SNTB2: variants seen among roughly 807,000 people sequenced by gnomAD.
The protein encoded by SNTB2 is beta-2-syntrophin.
A neutral mutation model predicts 46.2 loss-of-function variants in SNTB2; 34 were observed. That is an observed-to-expected ratio of 0.74 (90% CI 0.56 to 0.98). The LOEUF (loss-of-function observed/expected upper bound fraction) is 0.98. SNTB2 is among the 50% of genes least tolerant of loss of function. SNTB2 has a pLI of 0.00. For synonymous variants in SNTB2, 290 were observed against 312.6 expected (o/e 0.93, Z 0.76); for missense variants, 603 against 731.4 (o/e 0.82, Z 2.02).
At chr16:69,202,752 T>G (rs1412310946) in intron 1 of SNTB2, among the ~76,000 whole-genome samples, 2 of 151,942 alleles carry the variant, frequency 1.3e-5, no homozygotes, top group African/African-American at 4.8e-5. Flanking sequence ...ATTTTTGTAT[T>G]TTTAGTAGAG....
chr16:69,195,057 G>A (rs1964090652), intron 1 of SNTB2, among the ~76,000 whole-genome samples: 1 of 152,024 alleles, frequency 6.6e-6, no homozygotes, highest in Admixed American at 6.6e-5. Flanking sequence ...GTATTTTATT[G>A]GTATTTTGAA....
At chr16:69,290,713 G>A (rs949938573) in intron 5 of SNTB2, among the ~76,000 whole-genome samples, 8 of 152,184 alleles carry the variant, frequency 5.3e-5, no homozygotes, top group African/African-American at 1.9e-4. Context: ...TAATAGGTAT[G>A]TATCAGGATT....
chr16:69,292,677 G>A (rs981752963), intron 5 of SNTB2, among the ~76,000 whole-genome samples: 1 of 146,738 alleles, frequency 6.8e-6, no homozygotes, highest in Non-Finnish European at 1.5e-5. Context: ...GGTCTTGAAC[G>A]CCTGACCTCA....
intron 1 of SNTB2, among the ~76,000 whole-genome samples, chr16:69,231,463 C>T (rs1964505896): frequency 6.6e-6 from 1 of 152,138 alleles, no homozygotes. Flanking sequence ...GTGGCGCATG[C>T]CTGTAATCCC....
Position 69,300,828 on chromosome 16 carries a change from A to G in SNTB2, c.1531-4A>G, listed in dbSNP as rs1965271429. The G allele has an allele frequency of 6.2e-7, 1 of 1,606,408 alleles. No individual in the cohort carries two copies. The highest frequency in any genetic ancestry group is 8.5e-7 in the Non-Finnish European group (1 of 1,173,104). On this transcript the variant is annotated splice_polypyrimidine_tract_variant and splice_region_variant and intron_variant, in intron 6 of 6. Coordinates refer to ENST00000336278, the MANE Select transcript of SNTB2 (RefSeq NM_006750.4). ...TAGTGATGCTTAGTGTCCTTTCTCC[A>G]CAGACCATGGACCTGCACTCTTGTC...
chr16:69,251,454 G>A (rs1964724886), intron 2 of SNTB2, among the ~76,000 whole-genome samples: 1 of 143,106 alleles, frequency 7.0e-6, no homozygotes, highest in Non-Finnish European at 1.5e-5. Context: ...TGCTGGATAG[G>A]TGCATGTTTA....
At chr16:69,232,803 C>T (rs1024592239) in intron 1 of SNTB2, among the ~76,000 whole-genome samples, 1 of 151,990 alleles carries the variant, frequency 6.6e-6, no homozygotes, top group East Asian at 1.9e-4. Context: ...AGCTACTGCC[C>T]CCAGCCAAAA....
intron 1 of SNTB2, among the ~76,000 whole-genome samples, chr16:69,241,421 C>G (rs546382870): frequency 6.8e-6 from 1 of 146,274 alleles, no homozygotes; most frequent in East Asian, 2.1e-4. Flanking sequence ...CGTGATCCAC[C>G]CACCTCGGCC....
intron 1 of SNTB2, among the ~76,000 whole-genome samples, chr16:69,206,910 C>T (rs1284908805): frequency 1.3e-5 from 2 of 150,580 alleles, no homozygotes; most frequent in African/African-American, 2.4e-5. Flanking sequence ...GGACTACAGG[C>T]GCCTGCCACC....
chr16:69,267,680 A>G (rs1049072149), intron 3 of SNTB2, among the ~76,000 whole-genome samples: 5 of 152,196 alleles, frequency 3.3e-5, no homozygotes, highest in East Asian at 3.8e-4. Flanking sequence ...GCTAGAATTA[A>G]TTTCCCACTT....
intron 1 of SNTB2, among the ~76,000 whole-genome samples, chr16:69,235,014 T>A (rs1469572619): frequency 6.6e-6 from 1 of 152,056 alleles, no homozygotes; most frequent in Non-Finnish European, 1.5e-5. Context: ...TCAACTTGGT[T>A]CTTTATTTAT....
intron 3 of SNTB2, among the ~76,000 whole-genome samples, chr16:69,268,363 C>T (rs1221785352): frequency 2.0e-5 from 3 of 151,948 alleles, no homozygotes; most frequent in Non-Finnish European, 4.4e-5. Flanking sequence ...AGTTGGGAGG[C>T]TGAGGCAGGA....
At chr16:69,265,470 G>C (rs1381420805) in intron 3 of SNTB2, among the ~76,000 whole-genome samples, 6 of 152,092 alleles carry the variant, frequency 3.9e-5, no homozygotes, top group Non-Finnish European at 7.4e-5. Flanking sequence ...TAAGGGATTT[G>C]GGAAATGAAT....
rs1203628717 is a variant in SNTB2, at chr16:69,260,081, A to G, written c.826A>G (p.Asn276Asp). The G allele has an allele frequency of 1.2e-6, 2 of 1,613,720 alleles. No homozygotes were observed. The highest frequency in any genetic ancestry group is 8.5e-7 in the Non-Finnish European group (1 of 1,179,978). The change falls in exon 3 of 7, where the codon AAC becomes GAC. Residue 276 changes from asparagine (N) to aspartate (D), a missense_variant. Physicochemically the swap from Asn to Asp is conservative, Grantham distance 23 (BLOSUM62 1). Transcript: ENST00000336278. ...AGAGCTACATTCTCCTGATAGCAGG[A>G]ACACGTTGATCCTACGCTGCAAAGA... The part of the protein sequence containing the change: ...LIELHSPDSR[N>D]TLILRCKDTA...
At chr16:69,258,183 C>G (rs895095912) in intron 2 of SNTB2, among the ~76,000 whole-genome samples, 1 of 152,168 alleles carries the variant, frequency 6.6e-6, no homozygotes, top group Non-Finnish European at 1.5e-5. Flanking sequence ...AAAGAAAACT[C>G]TCTCCCTGGT....
At chr16:69,245,460 G>T (rs1369835426) in intron 1 of SNTB2, 142 bp from the exon 2 acceptor site, 6 of 760,476 alleles carry the variant, frequency 7.9e-6, no homozygotes, top group Admixed American at 2.3e-5. Flanking sequence ...CTCCCAAAGT[G>T]CTGGGATTAC....
intron 1 of SNTB2, among the ~76,000 whole-genome samples, chr16:69,212,259 A>C (rs1339833077): frequency 1.3e-5 from 2 of 152,074 alleles, no homozygotes; most frequent in Admixed American, 6.6e-5. Context: ...AAGGTGTCCT[A>C]TGTGAAACCT....
chr16:69,288,545 C>T (rs942027554), intron 5 of SNTB2, among the ~76,000 whole-genome samples: 5 of 152,022 alleles, frequency 3.3e-5, no homozygotes, highest in Admixed American at 3.3e-4. Context: ...ATAACAGATG[C>T]TGGTGAGGAT....
chr16:69,256,935 C>G (rs571075591), intron 2 of SNTB2, among the ~76,000 whole-genome samples: 23 of 152,138 alleles, frequency 1.5e-4, no homozygotes, highest in African/African-American at 5.5e-4. Flanking sequence ...TTTGGGAGAC[C>G]GAGGCAGGCG....
Sources: allele counts gnomAD v4.1 joint callset (sites outside exome capture counted in the v4.1 genomes callset), GRCh38; gene constraint gnomAD v4.1.1; transcripts MANE v1.5; gene names NCBI Gene and HGNC (gene_info 2026-07-23, HGNC 2026-07-21).